The following CHIC2 variants were observed in gnomAD, a reference collection of about 807,000 sequenced individuals.
The protein encoded by CHIC2 is cysteine rich hydrophobic domain 2.
In CHIC2, 14 loss-of-function variants were observed where a neutral mutation model predicts 25.9. The observed-to-expected ratio is 0.54, with a 90% CI of 0.36 to 0.85. The LOEUF (loss-of-function observed/expected upper bound fraction) is 0.85. Ranked by LOEUF, CHIC2 falls within the 40% of genes least tolerant of loss-of-function variation. The pLI is 0.01. For missense variants in CHIC2, 146 were observed against 202.0 expected (o/e 0.72, Z 1.68); for synonymous variants, 70 against 72.0 (o/e 0.97, Z 0.14).
chr4:54,081,402 T>C, the CHIC2 span, among the ~76,000 whole-genome samples: 3 of 151,876 alleles, frequency 2.0e-5, no homozygotes, highest in Admixed American at 2.0e-4. Flanking sequence ...CTTAGTAGAG[T>C]GTCTGGCATG....
chr4:54,087,091 G>A, the CHIC2 span: 7 of 1,015,432 alleles, frequency 6.9e-6, no homozygotes, highest in African/African-American at 1.1e-4. Context: ...CTCTCAGGAA[G>A]ATGTGGGGTC....
intron 3 of CHIC2, among the ~76,000 whole-genome samples, chr4:54,038,550 CCAATT>C (rs1225197382): frequency 6.6e-6 from 1 of 152,142 alleles, no homozygotes; most frequent in Non-Finnish European, 1.5e-5. Flanking sequence ...TCAATTCTCT[CCAATT>C]CATCTGTAAA....
intron 3 of CHIC2, among the ~76,000 whole-genome samples, chr4:54,037,187 A>T (rs1716414992): frequency 6.6e-6 from 1 of 151,952 alleles, no homozygotes; most frequent in African/African-American, 2.4e-5. Context: ...TGTCTCTACC[A>T]AAAATACAAA....
chr4:54,083,565 C>G, the CHIC2 span, among the ~76,000 whole-genome samples: 1 of 152,200 alleles, frequency 6.6e-6, no homozygotes, highest in South Asian at 2.1e-4. Flanking sequence ...AAACCCAAGT[C>G]CCCACTGACC....
the CHIC2 span, chr4:54,087,447 C>A: frequency 1.6e-6 from 1 of 645,092 alleles, no homozygotes; most frequent in Non-Finnish European, 2.5e-6. Context: ...GATAATAAGG[C>A]ATAGGCAGTT....
chr4:54,080,166 ATATATATGTG>A, the CHIC2 span, among the ~76,000 whole-genome samples: 7,040 of 132,780 alleles, frequency 0.053, 202 homozygotes, highest in Middle Eastern at 0.098. Flanking sequence ...GTATGTGTAT[ATATATATGTG>A]TATATATATG....
At chr4:54,064,637 G>A, upstream of CHIC2, 2 of 1,081,332 alleles carry the variant, frequency 1.8e-6, no homozygotes, top group Non-Finnish European at 2.2e-6. This position sits in a 1 kb window ranked among gnomAD's most constrained non-coding sequence, Gnocchi z 4.2. Flanking sequence ...CGCAGCGGGA[G>A]CAGCCGGCTA....
the CHIC2 span, among the ~76,000 whole-genome samples, chr4:54,090,530 A>G: frequency 1.3e-5 from 2 of 152,166 alleles, no homozygotes; most frequent in Non-Finnish European, 2.9e-5. Context: ...TTTGTAGCTC[A>G]CAAACGCATC....
the CHIC2 span, chr4:54,087,381 A>G: frequency 7.1e-6 from 4 of 566,978 alleles, no homozygotes; most frequent in East Asian, 1.2e-4. Flanking sequence ...GCTAAGCAAA[A>G]TGTAGATGCA....
intron 3 of CHIC2, among the ~76,000 whole-genome samples, chr4:54,016,372 A>C (rs1715740478): frequency 6.6e-6 from 1 of 152,152 alleles, no homozygotes; most frequent in Non-Finnish European, 1.5e-5. Context: ...CTTTAACTTA[A>C]ATCAACTACT....
At chr4:54,080,868 A>G in the CHIC2 span, among the ~76,000 whole-genome samples, 1 of 148,734 alleles carries the variant, frequency 6.7e-6, no homozygotes, top group Non-Finnish European at 1.5e-5. Context: ...TATTCTCACC[A>G]CACATGGTAA....
the CHIC2 span, chr4:54,086,982 C>T: frequency 1.2e-6 from 1 of 827,944 alleles, no homozygotes; most frequent in Non-Finnish European, 2.1e-6. Flanking sequence ...CAGAAGAAGA[C>T]AACTTCAAAA....
chr4:54,086,002 A>G, the CHIC2 span, among the ~76,000 whole-genome samples: 2 of 152,132 alleles, frequency 1.3e-5, no homozygotes, highest in African/African-American at 4.8e-5. Flanking sequence ...ACCCAAGGAC[A>G]TAACTGGTTA....
intron 4 of CHIC2, 25 bp from the exon 5 acceptor site, chr4:54,013,921 A>C: frequency 6.2e-7 from 1 of 1,611,502 alleles, no homozygotes; most frequent in Non-Finnish European, 8.5e-7. Flanking sequence ...AAGTAAAAGA[A>C]GAAAAATGAG....
At chr4:54,042,656 C>T (rs1170156191) in intron 3 of CHIC2, among the ~76,000 whole-genome samples, 1 of 151,732 alleles carries the variant, frequency 6.6e-6, no homozygotes. Flanking sequence ...GCCCACATAG[C>T]AGAAGGGAGT....
At chr4:54,061,464 A>G (rs182561595) in intron 1 of CHIC2, among the ~76,000 whole-genome samples, 1 of 152,270 alleles carries the variant, frequency 6.6e-6, no homozygotes, top group Non-Finnish European at 1.5e-5. Context: ...GATTCAGTTT[A>G]CATGGTCAAT....
chr4:54,072,415 A>T, the CHIC2 span, among the ~76,000 whole-genome samples: 1 of 152,204 alleles, frequency 6.6e-6, no homozygotes, highest in African/African-American at 2.4e-5. Flanking sequence ...GGAGATTACT[A>T]CTAGAATCAT....
intron 5 of CHIC2, among the ~76,000 whole-genome samples, chr4:54,013,529 A>T (rs1001782568): frequency 5.9e-5 from 9 of 152,122 alleles, no homozygotes; most frequent in Non-Finnish European, 1.0e-4. Flanking sequence ...GCGTAACCAA[A>T]GTTGTGGTTA....
intron 3 of CHIC2, among the ~76,000 whole-genome samples, chr4:54,021,298 T>A (rs113256473): frequency 3.9e-5 from 6 of 152,288 alleles, no homozygotes; most frequent in Admixed American, 2.6e-4. Flanking sequence ...GGCATTCTTT[T>A]ACACATTGGT....
Sources: gnomAD v4.1 joint callset for allele counts (sites outside exome capture counted in the v4.1 genomes callset) on GRCh38, gnomAD v4.1.1 for gene constraint, Gnocchi (gnomAD v3.1) non-coding constraint, MANE v1.5 for transcripts, NCBI Gene and HGNC (gene_info 2026-07-23, HGNC 2026-07-21) for gene names.